The following CTTNBP2 variants were observed in gnomAD, a reference collection of about 807,000 sequenced individuals.
The protein encoded by CTTNBP2 is cortactin binding protein 2, also known as cortactin-binding protein 2.
Under a neutral mutation model 156.9 loss-of-function variants are expected in CTTNBP2, and 108 were observed. The observed-to-expected ratio is 0.69, with a 90% confidence interval of 0.59 to 0.81. The LOEUF is 0.81. Ranked by LOEUF, CTTNBP2 falls within the 30% of genes least tolerant of loss-of-function variation. The probability of loss-of-function intolerance (pLI) is 0.00; values close to 1 mark genes in which losing one functional copy is unlikely to be tolerated. For missense variants in CTTNBP2, 1,924 were observed against 2,035.4 expected, an observed-to-expected ratio of 0.95 and a Z score of 1.05; for synonymous variants, 767 against 751.8, an observed-to-expected ratio of 1.02 and a Z score of -0.33.
chr7:117,862,966 T>C lies in CTTNBP2; in HGVS notation c.82-1650A>G, dbSNP rs75493531. Among the ~76,000 whole-genome samples, 113 of 152,320 alleles carry C rather than the reference T, an allele frequency of 7.4e-4. 1 individual carries two copies. The East Asian group carries it at 0.021, about 28-fold the overall frequency. On this transcript the variant is annotated intron_variant, in intron 1 of 22. Coordinates refer to ENST00000160373, the MANE Select transcript of CTTNBP2 (RefSeq NM_033427.3). ...GCACCAACATTCTAGAATAAGCTCT[T>C]TGAGATGAGATAAAAATGGTACCAT...
At chr7:117,863,067 G>A (rs1803880428) in intron 1 of CTTNBP2, among the ~76,000 whole-genome samples, 1 of 152,158 alleles carries the variant, frequency 6.6e-6, no homozygotes, top group South Asian at 2.1e-4. Context: ...GACAATAAAT[G>A]ATTTCAGAGG....
At chr7:117,828,739 T>A (rs1221933175) in intron 2 of CTTNBP2, among the ~76,000 whole-genome samples, 1 of 152,238 alleles carries the variant, frequency 6.6e-6, no homozygotes, top group Non-Finnish European at 1.5e-5. Flanking sequence ...TGAAAATTCA[T>A]CAAGAACTGT....
At chr7:117,753,750 G>A (rs751246436) in intron 12 of CTTNBP2, among the ~76,000 whole-genome samples, 1 of 146,608 alleles carries the variant, frequency 6.8e-6, no homozygotes, top group Non-Finnish European at 1.5e-5. Context: ...AACATACACT[G>A]GGGCCTGTCA....
At chr7:117,768,581 A>AAAAAAAAAAAAG (rs1554419704) in intron 8 of CTTNBP2, among the ~76,000 whole-genome samples, 40 of 99,114 alleles carry the variant, frequency 4.0e-4, no homozygotes, top group African/African-American at 1.1e-3. Context: ...AAAAAAAAAA[A>AAAAAAAAAAAAG]AAAGAAAGAA....
chr7:117,809,552 C>T (rs1800142668), intron 3 of CTTNBP2, among the ~76,000 whole-genome samples: 1 of 152,142 alleles, frequency 6.6e-6, no homozygotes, highest in South Asian at 2.1e-4. Context: ...GTCTGCAGGG[C>T]TTTGTAGAGT....
chr7:117,785,611 T>C (rs1360540875), intron 4 of CTTNBP2, among the ~76,000 whole-genome samples: 1 of 152,194 alleles, frequency 6.6e-6, no homozygotes, highest in Non-Finnish European at 1.5e-5. Flanking sequence ...GACTAGACCC[T>C]GAATTTCTAT....
intron 14 of CTTNBP2, among the ~76,000 whole-genome samples, 185 bp downstream of exon 14, chr7:117,745,646 G>A (rs1349835751): frequency 7.0e-6 from 1 of 143,414 alleles, no homozygotes; most frequent in Non-Finnish European, 1.5e-5. Flanking sequence ...AAAAAATGCA[G>A]GATGCTCAAC....
intron 22 of CTTNBP2, among the ~76,000 whole-genome samples, chr7:117,715,475 T>TAAAAAAAA (rs398048025): frequency 0.016 from 1,878 of 116,198 alleles, 88 homozygotes; most frequent in African/African-American, 0.062. Flanking sequence ...GCCCTGAAGT[T>TAAAAAAAA]AAAAAAAAAA....
intron 3 of CTTNBP2, among the ~76,000 whole-genome samples, chr7:117,803,147 G>A (rs1799729922): frequency 6.6e-6 from 1 of 152,152 alleles, no homozygotes; most frequent in Non-Finnish European, 1.5e-5. Flanking sequence ...CATCAACAGT[G>A]AACTGGATAA....
chr7:117,721,120 AT>A lies in CTTNBP2; in HGVS notation c.4457del (p.Asn1486IlefsTer7). ...KPDLSTEGMK[N>X]KTISQLNCNR... ...TACAATTCAGCTGTGATATAGTCTT[AT>A]TTTTCATACCTGTTAAAAAAGAGAA... On this transcript the variant is annotated frameshift_variant, in exon 20 of 23. Coordinates refer to ENST00000160373, the MANE Select transcript of CTTNBP2 (RefSeq NM_033427.3). LOFTEE classifies it high-confidence loss of function. The A allele has an allele frequency of 6.3e-7, 1 of 1,590,116 alleles. No homozygotes were observed. The highest frequency in any genetic ancestry group is 8.6e-7 in the Non-Finnish European group (1 of 1,158,052).
Position 117,757,962 on chromosome 7 carries a change from G to A in CTTNBP2, c.3181C>T (p.Pro1061Ser), listed in dbSNP as rs200124757. 393 of 1,610,494 alleles carry A rather than the reference G, an allele frequency of 2.4e-4. No homozygotes were observed. Among genetic ancestry groups the A allele is most frequent in the Non-Finnish European group, 3.1e-4 (370 of 1,178,716 alleles). ...GCGAAGCTCTGACCCACTGACCACG[G>A]CACATTTCCTAGTTTCAAAAAATGA... ...SIRSITLGNV[P>S]WSVGQSFAQS... The change falls in exon 11 of 23, where the codon CCG becomes TCG. Residue 1061 changes from proline (P) to serine (S), a missense_variant. Pro to Ser is a moderately conservative substitution (Grantham distance 74, BLOSUM62 -1). Transcript: ENST00000160373.
chr7:117,826,202 G>A (rs1157640394), intron 2 of CTTNBP2, among the ~76,000 whole-genome samples: 2 of 152,048 alleles, frequency 1.3e-5, no homozygotes, highest in African/African-American at 4.8e-5. Flanking sequence ...TAATCCACGT[G>A]CCCAAGGATG....
At chr7:117,748,116 G>A (rs1350318972) in intron 12 of CTTNBP2, among the ~76,000 whole-genome samples, 3 of 152,182 alleles carry the variant, frequency 2.0e-5, no homozygotes, top group Non-Finnish European at 4.4e-5. Flanking sequence ...ACCCTAGAAA[G>A]TGCTGCTGAG....
chr7:117,720,307 C>G (rs1016673354), intron 20 of CTTNBP2, among the ~76,000 whole-genome samples: 3 of 152,178 alleles, frequency 2.0e-5, no homozygotes, highest in Non-Finnish European at 4.4e-5. Flanking sequence ...TATTTACAAA[C>G]TGCCTAAACA....
chr7:117,711,430 T>G lies in CTTNBP2; in HGVS notation c.*107A>C. 1 of 1,273,636 alleles carries G rather than the reference T, an allele frequency of 7.9e-7. No individual in the cohort carries two copies. The highest frequency in any genetic ancestry group is 1.1e-6 in the Non-Finnish European group (1 of 923,988). 78.9% of individuals were successfully genotyped at this position (1,273,636 alleles called of 1,614,324 possible). On this transcript the variant is annotated 3_prime_UTR_variant, in exon 23 of 23. Coordinates refer to ENST00000160373, the MANE Select transcript of CTTNBP2 (RefSeq NM_033427.3). ...GAATAGTGGTCCCGCACTCATAATTTATATTACAGTGAAAACATTTTATCA... is the reference window on the plus strand; with the variant it reads ...GAATAGTGGTCCCGCACTCATAATTGATATTACAGTGAAAACATTTTATCA...
chr7:117,794,030 C>T (rs991301865), intron 3 of CTTNBP2, among the ~76,000 whole-genome samples: 1 of 152,190 alleles, frequency 6.6e-6, no homozygotes. Flanking sequence ...TATGACTTTA[C>T]TGAGGGCAGG....
intron 2 of CTTNBP2, among the ~76,000 whole-genome samples, chr7:117,852,529 A>G (rs1802997153): frequency 6.6e-6 from 1 of 152,170 alleles, no homozygotes; most frequent in South Asian, 2.1e-4. Context: ...TCATCCTATT[A>G]GAATCATACC....
At chr7:117,804,941 T>C (rs2116934155) in intron 3 of CTTNBP2, among the ~76,000 whole-genome samples, 1 of 152,364 alleles carries the variant, frequency 6.6e-6, no homozygotes, top group Non-Finnish European at 1.5e-5. Context: ...TGCATGTTCA[T>C]TCTCCATGAT....
At chr7:117,849,667 C>G (rs781444439) in intron 2 of CTTNBP2, among the ~76,000 whole-genome samples, 4 of 152,176 alleles carry the variant, frequency 2.6e-5, no homozygotes, top group Non-Finnish European at 4.4e-5. Context: ...CTGGCTCTTT[C>G]TGATCAGAAC....
Sources: gnomAD v4.1 joint callset for allele counts (sites outside exome capture counted in the v4.1 genomes callset) on GRCh38, gnomAD v4.1.1 for gene constraint, MANE v1.5 for transcripts, NCBI Gene and HGNC (gene_info 2026-07-23, HGNC 2026-07-21) for gene names.